Variants in ZNF561 observed in about 807,000 individuals in gnomAD.
ZNF561 encodes zinc finger protein 561.
ZNF561 carries 16 observed loss-of-function variants against 16.7 expected under a neutral mutation model. That is an observed-to-expected ratio of 0.96 (90% CI 0.65 to 1.45). The LOEUF (loss-of-function observed/expected upper bound fraction) is 1.45. Ranked by LOEUF, ZNF561 falls within the 40% of genes most tolerant of loss-of-function variation. ZNF561 has a pLI of 0.00. For synonymous variants in ZNF561, 190 were observed against 192.1 expected (o/e 0.99, Z 0.09); for missense variants, 580 against 578.0 (o/e 1.00, Z -0.04).
chr19:9,614,217 A>C, intron 4 of ZNF561, 114 bp from the exon 5 acceptor site: 1 of 1,358,272 alleles, frequency 7.4e-7, no homozygotes, highest in Non-Finnish European at 1.0e-6. Context: ...AAGCCAGAGA[A>C]CCTTGAGGAT....
intron 4 of ZNF561, among the ~76,000 whole-genome samples, chr19:9,615,454 A>G (rs2074537197): frequency 6.6e-6 from 1 of 151,582 alleles, no homozygotes; most frequent in Non-Finnish European, 1.5e-5. Context: ...AAAATTAGCT[A>G]GGCACAGTGA....
At chr19:9,614,501 G>T (rs999302023) in intron 4 of ZNF561, among the ~76,000 whole-genome samples, 3 of 152,152 alleles carry the variant, frequency 2.0e-5, no homozygotes, top group African/African-American at 7.2e-5. Context: ...CCAGCTACTT[G>T]TGAGGCTGAG....
rs1472844108 is a variant in ZNF561, at chr19:9,619,560, T to C, written c.-104A>G. ...TGGATAGAGGCAATCTCCATTCCTC[T>C]TTGTACAGGGTTATTTGCGGTCCTG... On this transcript the variant is annotated 5_prime_UTR_variant, in exon 2 of 6. Coordinates refer to ENST00000302851, the MANE Select transcript of ZNF561 (RefSeq NM_152289.3). 2.2e-5 allele frequency: 26 copies of C among 1,207,278 alleles called. No homozygotes were observed. Among genetic ancestry groups the C allele is most frequent in the Non-Finnish European group, 3.1e-5 (26 of 827,166 alleles). The allele number at this position is 1,207,278 out of a possible 1,614,324, so 74.8% of individuals were successfully genotyped here.
Position 9,611,086 on chromosome 19 carries a change from T to C in ZNF561, c.575A>G (p.Asn192Ser), listed in dbSNP as rs746824432. The change falls in exon 6 of 6, where the codon AAT (asparagine) becomes AGT (serine). Residue 192 changes from asparagine (N) to serine (S), a missense_variant. Coordinates refer to ENST00000302851, the MANE Select transcript of ZNF561 (RefSeq NM_152289.3). ...PGLAVHLEVL[N>S]ARQPYKCKEC... The stretch of plus-strand genomic sequence containing the variant: ...CTTACATTTGTAGGGTTGTCTTGCA[T>C]TGAGAACTTCAAGATGTACAGCAAG... 8.1e-6 allele frequency: 13 copies of C among 1,614,048 alleles called. No homozygotes were observed. The highest frequency in any genetic ancestry group is 1.1e-5 in the Non-Finnish European group (13 of 1,180,014).
intron 1 of ZNF561, among the ~76,000 whole-genome samples, chr19:9,620,625 A>AC (rs927723318): frequency 1.2e-3 from 189 of 151,316 alleles, no homozygotes; most frequent in African/African-American, 4.1e-3. Flanking sequence ...ATATGGTGTT[A>AC]CCCCCCCGCC....
In ZNF561 at chr19:9,619,609, A is replaced by G. The variant is rs567097256; in HGVS notation, c.-126-27T>C. On this transcript the variant is annotated intron_variant, in intron 1 of 5. Transcript: ENST00000302851. ...TGTTCATATCAATCATCAAACAACA[A>G]GCATGAAACATCAGTCATCAAACAT... 3.8e-5 allele frequency: 22 copies of G among 581,000 alleles called. No homozygotes were observed. In the South Asian group the frequency reaches 3.9e-4, roughly 10 times the overall value. The allele number at this position is 581,000 out of a possible 1,614,324, so 36.0% of individuals were successfully genotyped here. A position where few individuals can be genotyped will look rare whatever the true frequency, so the allele number is the denominator to read the frequency against.
rs1434211770 is a variant in ZNF561, at chr19:9,609,358, G to A, written c.*842C>T. ...AGAGCTGCTGGGTCAGGGTCTCCAT[G>A]ACCCAGCTGGTCTCAGCAAAAATGC... On this transcript the variant is annotated 3_prime_UTR_variant, in exon 6 of 6. Transcript: ENST00000302851. 6.6e-6 allele frequency: 1 copy of A among 152,118 alleles called. No homozygotes were observed. The highest frequency in any genetic ancestry group is 1.5e-5 in the Non-Finnish European group (1 of 68,026). The allele number at this position is 152,118 out of a possible 1,614,324, so 9.4% of individuals were successfully genotyped here. A position where few individuals can be genotyped will look rare whatever the true frequency, so the allele number is the denominator to read the frequency against.
intron 4 of ZNF561, 154 bp downstream of exon 4, chr19:9,616,891 G>T: frequency 1.9e-6 from 2 of 1,066,334 alleles, no homozygotes; most frequent in Non-Finnish European, 1.3e-6. Flanking sequence ...ACTGCGCCCG[G>T]CCTAGAATTT....
intron 2 of ZNF561, 41 bp downstream of exon 2, chr19:9,619,391 T>G (rs1245699345): frequency 6.2e-7 from 1 of 1,609,266 alleles, no homozygotes; most frequent in East Asian, 2.2e-5. Context: ...GAGGGTGACC[T>G]AAAGCAGAAT....
chr19:9,619,233 G>C (rs997668511), intron 2 of ZNF561, 199 bp downstream of exon 2: 2 of 303,806 alleles, frequency 6.6e-6, no homozygotes, highest in African/African-American at 2.2e-5. Context: ...CTCCAGCCTG[G>C]GTGACGGAAC....
At chr19:9,619,866 T>C (rs2074629803) in intron 1 of ZNF561, among the ~76,000 whole-genome samples, 1 of 108,316 alleles carries the variant, frequency 9.2e-6, no homozygotes, top group Admixed American at 1.1e-4. Flanking sequence ...TCTATATTTA[T>C]CTATCTATAT....
intron 3 of ZNF561, chr19:9,617,446 A>G: frequency 2.0e-6 from 1 of 493,362 alleles, no homozygotes; most frequent in Non-Finnish European, 2.7e-6. Flanking sequence ...TTAAATTTTA[A>G]ATTTTATTTT....
At position 9,610,107 on chromosome 19, in the gene ZNF561, A is replaced by C; in HGVS notation, c.*93T>G. 1 of 1,164,978 alleles carries C rather than the reference A, an allele frequency of 8.6e-7. No individual in the cohort carries two copies. Among genetic ancestry groups the C allele is most frequent in the Non-Finnish European group, 1.2e-6 (1 of 842,176 alleles). 72.2% of individuals were successfully genotyped at this position (1,164,978 alleles called of 1,614,324 possible). On this transcript the variant is annotated 3_prime_UTR_variant, in exon 6 of 6. Transcript: ENST00000302851. ...ACCCTCAGGATGGTATCTAAGGCCAATCCATGAGTCATTACAACCTCCAAA... is the reference window on the plus strand; with the variant it reads ...ACCCTCAGGATGGTATCTAAGGCCACTCCATGAGTCATTACAACCTCCAAA...
chr19:9,619,333 C>T, intron 2 of ZNF561, 99 bp downstream of exon 2: 1 of 1,111,494 alleles, frequency 9.0e-7, no homozygotes, highest in South Asian at 1.6e-5. Flanking sequence ...CCTAAAAGAA[C>T]CAGCTGCATG....
At chr19:9,616,127 G>A (rs913634897) in intron 4 of ZNF561, among the ~76,000 whole-genome samples, 4 of 152,116 alleles carry the variant, frequency 2.6e-5, no homozygotes, top group African/African-American at 9.7e-5. Flanking sequence ...AAGTTTCCAG[G>A]ATTACCACAG....
At chr19:9,617,368 A>G (rs1173510510) in intron 3 of ZNF561, 197 bp from the exon 4 acceptor site, 3 of 1,223,340 alleles carry the variant, frequency 2.5e-6, no homozygotes, top group African/African-American at 3.1e-5. Flanking sequence ...TGCCTTAAAC[A>G]GCACTTTTTA....
Position 9,610,435 on chromosome 19 carries a change from C to T in ZNF561, c.1226G>A (p.Ser409Asn), listed in dbSNP as rs747268644. 7.4e-6 allele frequency: 12 copies of T among 1,611,676 alleles called. No homozygotes were observed. In the Admixed American group the frequency reaches 1.7e-4, roughly 22 times the overall value. ...TCCACTATGAGTTTTCAAATGTTTA[C>T]TACGACGGGAAGAAGTAATGAAGGT... is the stretch of plus-strand genomic sequence containing the variant. ...GKTFITSSRRSKHLKTHSGEK... is the reference protein window; with the variant it reads ...GKTFITSSRRNKHLKTHSGEK... Residue 409 changes from serine (S) to asparagine (N), a missense_variant, in exon 6 of 6, where the codon AGT becomes AAT. By Grantham distance (46) the Ser-to-Asn change is conservative. Coordinates refer to ENST00000302851, the MANE Select transcript of ZNF561 (RefSeq NM_152289.3).
chr19:9,617,804 A>T lies in ZNF561; in HGVS notation c.114+287T>A, dbSNP rs12608632. On this transcript the variant is annotated intron_variant, in intron 3 of 5. Coordinates refer to ENST00000302851, the MANE Select transcript of ZNF561 (RefSeq NM_152289.3). ...AATGATTTGATAAAAGGACACTTTC[A>T]TCTGCTTTATCATCCGTCACCGCAC... The T allele has an allele frequency of 9.6e-5, 47 of 491,592 alleles. No individual in the cohort carries two copies. In the East Asian group the frequency reaches 2.5e-3, roughly 26 times the overall value. 30.5% of individuals were successfully genotyped at this position (491,592 alleles called of 1,614,324 possible).
chr19:9,617,976 A>T, intron 3 of ZNF561, 115 bp downstream of exon 3: 1 of 972,918 alleles, frequency 1.0e-6, no homozygotes, highest in Non-Finnish European at 1.5e-6. Flanking sequence ...TCAGTCCTTG[A>T]GTAAGGCTTC....
Sources: gnomAD v4.1 joint callset for allele counts (sites outside exome capture counted in the v4.1 genomes callset) on GRCh38, gnomAD v4.1.1 for gene constraint, MANE v1.5 for transcripts, NCBI Gene and HGNC (gene_info 2026-07-23, HGNC 2026-07-21) for gene names.